ERCC4: variants seen among roughly 807,000 people sequenced by gnomAD.
ERCC4 encodes the protein DNA repair endonuclease XPF.
In ERCC4, 65 loss-of-function variants were observed where a neutral mutation model predicts 76.9. The ratio of observed to expected loss-of-function variants is 0.84; its 90% CI spans 0.69 to 1.04. ERCC4 has a LOEUF of 1.04. Among genes scored for constraint, ERCC4 ranks in the 50% least tolerant of loss-of-function variants. The pLI, the probability that ERCC4 is intolerant of heterozygous loss-of-function variation, is 0.00. For missense variants in ERCC4, 1,214 were observed against 1,128.2 expected (o/e 1.08, Z -1.09); for synonymous variants, 463 against 410.1 (o/e 1.13, Z -1.56).
rs1331293169 is a variant in ERCC4 at position 13,948,002 on chromosome 16, G to T, written c.2406G>T (p.Trp802Cys). ...TLHFPRLRIL[W>C]CPSPHATAEL... The stretch of plus-strand genomic sequence containing the variant: ...ACTTCCCCAGACTACGGATTCTCTG[G>T]TGCCCCTCTCCTCATGCAACGGCGG... Residue 802 changes from tryptophan (W) to cysteine (C), a missense_variant, in exon 11 of 11, where the codon TGG (tryptophan) becomes TGT (cysteine). Trp to Cys is a radical substitution (Grantham distance 215). Coordinates refer to ENST00000311895, the MANE Select transcript of ERCC4 (RefSeq NM_005236.3). 6.2e-7 allele frequency: 1 copy of T among 1,614,020 alleles called. No homozygotes were observed. Among genetic ancestry groups the T allele is most frequent in the Non-Finnish European group, 8.5e-7 (1 of 1,180,020 alleles).
intron 1 of ERCC4, among the ~76,000 whole-genome samples, chr16:13,921,081 A>G (rs771146154): frequency 6.6e-6 from 1 of 152,190 alleles, no homozygotes; most frequent in African/African-American, 2.4e-5. Context: ...TGGGGGCAGA[A>G]GGAAGGTCCC....
chr16:13,931,057 A>C (rs559008369), intron 5 of ERCC4, 167 bp downstream of exon 5: 1 of 638,754 alleles, frequency 1.6e-6, no homozygotes, highest in East Asian at 2.7e-5. Context: ...ATTGATAGCT[A>C]ATGTTTCCGC....
In ERCC4 at chr16:13,948,392, G is replaced by C; in HGVS notation, c.*45G>C. 1 of 1,595,270 alleles carries C rather than the reference G, an allele frequency of 6.3e-7. No homozygotes were observed. The highest frequency in any genetic ancestry group is 8.5e-7 in the Non-Finnish European group (1 of 1,174,144). On this transcript the variant is annotated 3_prime_UTR_variant, in exon 11 of 11. Coordinates refer to ENST00000311895, the MANE Select transcript of ERCC4 (RefSeq NM_005236.3). Reference sequence around the variant, plus strand: ...TATCCCATGCCTGTACTTTTCAGCGGCTCCTTGCCAGACATCATAGGTCAT... The same window carrying C: ...TATCCCATGCCTGTACTTTTCAGCGCCTCCTTGCCAGACATCATAGGTCAT...
Position 13,947,725 on chromosome 16 carries a change from C to A in ERCC4, c.2129C>A (p.Thr710Asn), listed in dbSNP as rs1442567731. ...HRRGIDIEPV[T>N]LEVGDYILTP... ...CGGGGCATTGACATTGAACCCGTGA[C>A]TTTAGAGGTTGGAGATTACATCCTC... Residue 710 changes from threonine (T) to asparagine (N), a missense_variant, in exon 11 of 11, where the codon ACT (threonine) becomes AAT (asparagine). Thr to Asn is a moderately conservative substitution (Grantham distance 65). Coordinates refer to ENST00000311895, the MANE Select transcript of ERCC4 (RefSeq NM_005236.3). 6.2e-7 allele frequency: 1 copy of A among 1,614,218 alleles called. No homozygotes were observed. Among genetic ancestry groups the A allele is most frequent in the East Asian group, 2.2e-5 (1 of 44,884 alleles).
intron 8 of ERCC4, among the ~76,000 whole-genome samples, chr16:13,937,284 C>T (rs1383567803): frequency 3.9e-5 from 6 of 151,966 alleles, no homozygotes; most frequent in African/African-American, 7.2e-5. Flanking sequence ...GTAATCCATA[C>T]GTCTTCCATG....
intron 3 of ERCC4, 107 bp downstream of exon 3, chr16:13,926,863 T>C: frequency 4.3e-6 from 4 of 932,498 alleles, no homozygotes; most frequent in Middle Eastern, 2.8e-4. Context: ...TAAAATTCAT[T>C]GTAATTTTGT....
chr16:13,932,129 C>T (rs1246951596), intron 5 of ERCC4, 28 bp from the exon 6 acceptor site: 4 of 1,601,604 alleles, frequency 2.5e-6, no homozygotes, highest in East Asian at 2.2e-5. Flanking sequence ...AAATTGATGG[C>T]ACTTTTTCTT....
chr16:13,940,436 A>C (rs1263668260), intron 9 of ERCC4, among the ~76,000 whole-genome samples: 2 of 152,142 alleles, frequency 1.3e-5, no homozygotes, highest in Admixed American at 6.6e-5. Context: ...GAAAAGGCAC[A>C]TGGGGCAAAG....
rs1242490895 is a variant in ERCC4, at chr16:13,926,770, T to G, written c.584+14T>G. 4.4e-6 allele frequency: 7 copies of G among 1,587,256 alleles called. No individual in the cohort carries two copies. Among genetic ancestry groups the G allele is most frequent in the Non-Finnish European group, 2.6e-6 (3 of 1,155,766 alleles). ...TCTGTGGCCAAGGTAAAGAACATTA[T>G]GTGACAAATAATGATGACATTATTT... On this transcript the variant is annotated intron_variant, in intron 3 of 10. Transcript: ENST00000311895.
intron 6 of ERCC4, 139 bp from the exon 7 acceptor site, chr16:13,934,053 T>G (rs2032234609): frequency 3.3e-6 from 2 of 599,682 alleles, no homozygotes; most frequent in Admixed American, 3.1e-5. Context: ...GAAAGCAGAT[T>G]CCATCTAACA....
intron 2 of ERCC4, among the ~76,000 whole-genome samples, chr16:13,924,994 G>A (rs944367070): frequency 1.3e-5 from 2 of 152,158 alleles, no homozygotes; most frequent in African/African-American, 4.8e-5. Context: ...GGAGTGTCTT[G>A]AGTTGGTGTG....
intron 3 of ERCC4, chr16:13,927,577 AAG>A: frequency 6.1e-6 from 1 of 163,908 alleles, no homozygotes; most frequent in Non-Finnish European, 1.3e-5. Context: ...AAAAAAAAAA[AAG>A]AGTAGTTATA....
intron 2 of ERCC4, among the ~76,000 whole-genome samples, chr16:13,924,334 T>A (rs191257215): frequency 3.3e-5 from 5 of 152,270 alleles, no homozygotes; most frequent in Admixed American, 3.3e-4. Flanking sequence ...GGTTGTACCT[T>A]GAAAAGAACA....
In ERCC4 at chr16:13,944,839, A is replaced by C. The variant is rs1296184133; in HGVS notation, c.2017+4A>C. On this transcript the variant is annotated splice_donor_region_variant and intron_variant, in intron 10 of 10. Coordinates refer to ENST00000311895, the MANE Select transcript of ERCC4 (RefSeq NM_005236.3). ...TCCACTGACACTCGGAAAGCCGGTG[A>C]GTCCTGCACTTTGTCAGGCACCTCC... The C allele has an allele frequency of 4.4e-6, 7 of 1,580,560 alleles. No individual in the cohort carries two copies.
Position 13,947,752 on chromosome 16 carries a change from C to T in ERCC4, c.2156C>T (p.Thr719Ile), listed in dbSNP as rs779096061. 1 of 1,614,246 alleles carries T rather than the reference C, an allele frequency of 6.2e-7. No individual in the cohort carries two copies. Among genetic ancestry groups the T allele is most frequent in the Non-Finnish European group, 8.5e-7 (1 of 1,180,046 alleles). ...TTAGAGGTTGGAGATTACATCCTCACTCCAGAAATGTGCGTGGAGCGCAAG... is the reference window on the plus strand; with the variant it reads ...TTAGAGGTTGGAGATTACATCCTCATTCCAGAAATGTGCGTGGAGCGCAAG... ...VTLEVGDYIL[T>I]PEMCVERKSI... The change falls in exon 11 of 11, where the codon ACT becomes ATT. Residue 719 changes from threonine to isoleucine, a missense_variant. Physicochemically the swap from Thr to Ile is moderately conservative, Grantham distance 89. Transcript: ENST00000311895.
intron 1 of ERCC4, 123 bp downstream of exon 1, chr16:13,920,495 C>T (rs1203865970): frequency 7.8e-6 from 7 of 891,782 alleles, no homozygotes; most frequent in African/African-American, 3.3e-5. Flanking sequence ...TGACACTACG[C>T]GATGACACAG....
At chr16:13,932,325 T>C (rs201766295) in intron 6 of ERCC4, 40 bp downstream of exon 6, 48 of 1,582,202 alleles carry the variant, frequency 3.0e-5, no homozygotes, top group African/African-American at 1.3e-5. Context: ...GTTTTTTATT[T>C]CGGTATTTGG....
chr16:13,945,414 C>A (rs1223344282), intron 10 of ERCC4, among the ~76,000 whole-genome samples: 1 of 152,132 alleles, frequency 6.6e-6, no homozygotes, highest in African/African-American at 2.4e-5. Context: ...GCACTGTGAT[C>A]CAGAAGTCAC....
At chr16:13,946,799 T>A (rs1216609126) in intron 10 of ERCC4, among the ~76,000 whole-genome samples, 1 of 152,170 alleles carries the variant, frequency 6.6e-6, no homozygotes, top group African/African-American at 2.4e-5. Flanking sequence ...TCACCCTTGT[T>A]GTCCAGGCTG....
Sources: allele counts gnomAD v4.1 joint callset (sites outside exome capture counted in the v4.1 genomes callset), GRCh38; gene constraint gnomAD v4.1.1; transcripts MANE v1.5; gene names NCBI Gene and HGNC (gene_info 2026-07-23, HGNC 2026-07-21).